Variants in ADGRV1 observed in about 807,000 individuals in gnomAD.
ADGRV1 encodes the protein G-protein coupled receptor 98.
In ADGRV1, 359 loss-of-function variants were observed where a neutral mutation model predicts 596.2. The observed-to-expected ratio is 0.60, with a 90% CI of 0.55 to 0.66. The LOEUF (loss-of-function observed/expected upper bound fraction) is 0.66. Ranked by LOEUF, ADGRV1 falls within the 30% of genes least tolerant of loss-of-function variation. ADGRV1 has a pLI of 0.00. For missense variants in ADGRV1, 7,274 were observed against 7,575.6 expected (o/e 0.96, Z 1.48); for synonymous variants, 2,681 against 2,679.2 (o/e 1.00, Z -0.02).
At chr5:90,892,712 T>C (rs969490966) in intron 83 of ADGRV1, among the ~76,000 whole-genome samples, 1 of 152,210 alleles carries the variant, frequency 6.6e-6, no homozygotes, top group East Asian at 1.9e-4. Flanking sequence ...TTACAAAATA[T>C]GAGTTTGTAT....
At chr5:90,666,641 G>C (rs1338759642) in intron 21 of ADGRV1, among the ~76,000 whole-genome samples, 5 of 142,932 alleles carry the variant, frequency 3.5e-5, no homozygotes, top group African/African-American at 5.3e-5. Context: ...GTGTGAATTT[G>C]ATCCTGTCAT....
intron 1 of ADGRV1, among the ~76,000 whole-genome samples, chr5:90,606,571 A>G (rs1342877286): frequency 6.6e-6 from 1 of 152,178 alleles, no homozygotes; most frequent in African/African-American, 2.4e-5. Context: ...TCGTGTTGGG[A>G]ATTTATTTAT....
At chr5:90,698,467 T>C (rs760626175) in intron 34 of ADGRV1, among the ~76,000 whole-genome samples, 6 of 152,196 alleles carry the variant, frequency 3.9e-5, no homozygotes, top group Non-Finnish European at 7.3e-5. Context: ...CCATGCTATA[T>C]AGGGCACCTA....
At chr5:90,697,667 C>CT (rs994604392) in intron 34 of ADGRV1, among the ~76,000 whole-genome samples, 5 of 152,028 alleles carry the variant, frequency 3.3e-5, no homozygotes, top group Admixed American at 2.0e-4. Flanking sequence ...TATAAAATTT[C>CT]TTTTTTTCCT....
At chr5:91,050,914 T>G (rs1230126896) in intron 85 of ADGRV1, among the ~76,000 whole-genome samples, 1 of 152,228 alleles carries the variant, frequency 6.6e-6, no homozygotes, top group Non-Finnish European at 1.5e-5. Flanking sequence ...TCCACTAGAA[T>G]GTAAGCTCCA....
intron 78 of ADGRV1, among the ~76,000 whole-genome samples, chr5:90,845,403 T>C (rs774634710): frequency 6.6e-6 from 1 of 152,180 alleles, no homozygotes; most frequent in Non-Finnish European, 1.5e-5. Flanking sequence ...TGTGCTTTAC[T>C]AAAAGAAACT....
At chr5:90,665,701 A>G (rs1006305155) in intron 21 of ADGRV1, among the ~76,000 whole-genome samples, 2 of 147,904 alleles carry the variant, frequency 1.4e-5, no homozygotes, top group African/African-American at 5.0e-5. Context: ...TTTAATTGTG[A>G]TGTTAGGGTG....
chr5:90,977,062 A>T (rs1367440346), intron 84 of ADGRV1, among the ~76,000 whole-genome samples: 2 of 152,220 alleles, frequency 1.3e-5, no homozygotes, highest in African/African-American at 4.8e-5. Context: ...GTGCCAGAGC[A>T]TAGCAAAACA....
chr5:90,832,671 A>G (rs1195912573), intron 77 of ADGRV1, among the ~76,000 whole-genome samples: 1 of 152,190 alleles, frequency 6.6e-6, no homozygotes, highest in African/African-American at 2.4e-5. Flanking sequence ...CTGCCAGTCC[A>G]ATGTCCTAGA....
Position 90,703,804 on chromosome 5 carries a change from G to A in ADGRV1, c.8286+9G>A. The A allele has an allele frequency of 6.4e-7, 1 of 1,569,122 alleles. No individual in the cohort carries two copies. On this transcript the variant is annotated intron_variant, in intron 35 of 89. Transcript: ENST00000405460. ...AACTTTTCTTTCCTGAGGTAATACT[G>A]CAAAGAAAAGTCGATCACAAATATC...
chr5:90,860,194 T>C (rs1273873533), intron 82 of ADGRV1, among the ~76,000 whole-genome samples: 2 of 152,198 alleles, frequency 1.3e-5, no homozygotes, highest in Non-Finnish European at 2.9e-5. Context: ...CCTGTTTATC[T>C]GGAGGCTAGT....
chr5:90,877,371 G>A (rs897607815), intron 83 of ADGRV1, among the ~76,000 whole-genome samples: 2 of 152,194 alleles, frequency 1.3e-5, no homozygotes, highest in African/African-American at 4.8e-5. Context: ...CGCCAGACCT[G>A]AGCAGAACTG....
chr5:90,823,656 A>G (rs1034035824), intron 76 of ADGRV1, 60 bp downstream of exon 76: 7 of 1,434,282 alleles, frequency 4.9e-6, no homozygotes, highest in Admixed American at 1.8e-5. Context: ...AGAATTAATC[A>G]TTTTAAAACC....
rs190740554 is a variant in ADGRV1 at position 91,137,021 on chromosome 5, C to T, written c.18433-13009C>T. Among the ~76,000 whole-genome samples, 8 of 152,166 alleles carry T rather than the reference C, an allele frequency of 5.3e-5. No homozygotes were observed. The East Asian group carries it at 1.5e-3, about 29-fold the overall frequency. On this transcript the variant is annotated intron_variant, in intron 87 of 89. Transcript: ENST00000405460. ...CTGTTTAAAAATGTACTTTTTAAAA[C>T]AAGGTTGATTTGAGGTCATGGCAAT... is the stretch of plus-strand genomic sequence containing the variant.
At chr5:90,970,935 G>A (rs1389550808) in intron 84 of ADGRV1, among the ~76,000 whole-genome samples, 3 of 152,102 alleles carry the variant, frequency 2.0e-5, no homozygotes, top group African/African-American at 7.2e-5. Flanking sequence ...TGAACCCATC[G>A]CAAAGAAGCT....
intron 86 of ADGRV1, among the ~76,000 whole-genome samples, chr5:91,097,973 A>T (rs1791022456): frequency 6.6e-6 from 1 of 152,138 alleles, no homozygotes; most frequent in African/African-American, 2.4e-5. Context: ...TCTTATATAG[A>T]TACTCATTTC....
chr5:90,897,160 T>C (rs1316727332), intron 83 of ADGRV1, among the ~76,000 whole-genome samples: 2 of 152,246 alleles, frequency 1.3e-5, no homozygotes, highest in Non-Finnish European at 2.9e-5. Context: ...AAAACATCAC[T>C]GAGCTAGCAC....
intron 89 of ADGRV1, among the ~76,000 whole-genome samples, chr5:91,155,026 A>C (rs1287900836): frequency 1.3e-5 from 2 of 152,226 alleles, no homozygotes; most frequent in Non-Finnish European, 2.9e-5. Context: ...CACTATGGAA[A>C]GGAATAAGAA....
intron 2 of ADGRV1, among the ~76,000 whole-genome samples, chr5:90,615,973 A>G (rs1226460840): frequency 1.3e-5 from 2 of 151,888 alleles, no homozygotes; most frequent in Admixed American, 6.6e-5. Context: ...CTGTTTACAT[A>G]TATTTTGATT....
Sources: allele counts gnomAD v4.1 joint callset (sites outside exome capture counted in the v4.1 genomes callset), GRCh38; gene constraint gnomAD v4.1.1; transcripts MANE v1.5; gene names NCBI Gene and HGNC (gene_info 2026-07-23, HGNC 2026-07-21).